ARHGAP26: variants seen among roughly 807,000 people sequenced by gnomAD.
The protein encoded by ARHGAP26 is rho GTPase-activating protein 26.
In ARHGAP26, 38 loss-of-function variants were observed where a neutral mutation model predicts 104.8. The ratio of observed to expected loss-of-function variants is 0.36; its 90% CI spans 0.28 to 0.48. The LOEUF (loss-of-function observed/expected upper bound fraction) is 0.48, where lower values mean the gene tolerates loss of function less well. Ranked by LOEUF, ARHGAP26 falls within the 20% of genes least tolerant of loss-of-function variation. The pLI is 0.99. For missense variants in ARHGAP26, 704 were observed against 947.9 expected (o/e 0.74, Z 3.38); for synonymous variants, 341 against 340.0 (o/e 1.00, Z -0.03).
At chr5:142,777,990 A>C (rs2151828821) in intron 1 of ARHGAP26, among the ~76,000 whole-genome samples, 2 of 152,360 alleles carry the variant, frequency 1.3e-5, no homozygotes, top group Admixed American at 1.3e-4. Flanking sequence ...CAATGGAGGC[A>C]AGATGACCAG....
intron 11 of ARHGAP26, among the ~76,000 whole-genome samples, chr5:143,006,163 C>A (rs1291293193): frequency 1.3e-5 from 2 of 152,154 alleles, no homozygotes; most frequent in Non-Finnish European, 2.9e-5. Flanking sequence ...CCTGAATTGT[C>A]TGTTTCCACT....
chr5:143,195,035 G>C (rs1006896723), intron 20 of ARHGAP26, among the ~76,000 whole-genome samples: 1 of 152,152 alleles, frequency 6.6e-6, no homozygotes, highest in Non-Finnish European at 1.5e-5. Flanking sequence ...CACATGTTTA[G>C]ACTACTAAAT....
Position 143,183,682 on chromosome 5 carries a change from G to A in ARHGAP26, c.1989-23516G>A, listed in dbSNP as rs189656977. Among the ~76,000 whole-genome samples the A allele has an allele frequency of 4.7e-4, 71 of 152,292 alleles. 2 individuals are homozygous for A. The East Asian group carries it at 9.3e-3, about 20-fold the overall frequency. On this transcript the variant is annotated intron_variant, in intron 20 of 22. Transcript: ENST00000645722. ...AAATTCCCCCGGGGCCTCCTCGGACGCCACCCCTACCTCTGGTTATGGGCG... is the reference window on the plus strand; with the variant it reads ...AAATTCCCCCGGGGCCTCCTCGGACACCACCCCTACCTCTGGTTATGGGCG...
intron 12 of ARHGAP26, among the ~76,000 whole-genome samples, chr5:143,016,859 G>A (rs1779659697): frequency 1.3e-5 from 2 of 152,046 alleles, no homozygotes; most frequent in African/African-American, 4.8e-5. Context: ...TTTCCCACAT[G>A]GTACAGGTTC....
chr5:143,216,118 A>G (rs1216132166), intron 22 of ARHGAP26: 2 of 469,162 alleles, frequency 4.3e-6, no homozygotes, highest in African/African-American at 4.0e-5. Context: ...TTAAATAGTT[A>G]AGCATAAAGG....
At chr5:143,220,824 T>C (rs1040003159) in intron 22 of ARHGAP26, among the ~76,000 whole-genome samples, 3 of 152,248 alleles carry the variant, frequency 2.0e-5, no homozygotes, top group Non-Finnish European at 2.9e-5. Context: ...ACTGATCTTC[T>C]GGAAGCCTCA....
rs568126214 is a variant in ARHGAP26, at chr5:142,841,724, C to T, written c.155-31676C>T. Among the ~76,000 whole-genome samples the T allele has an allele frequency of 1.3e-4, 20 of 152,324 alleles. No individual in the cohort carries two copies. The South Asian group carries it at 1.4e-3, about 11-fold the overall frequency. The stretch of plus-strand genomic sequence containing the variant: ...TTGTTGGAGGGCAGTTGCTAAGCAA[C>T]GCATCCCTCTGGCTGGAGCAAAGTA... On this transcript the variant is annotated intron_variant, in intron 1 of 22. Transcript: ENST00000645722.
chr5:142,917,037 ATTTTTTT>A (rs35921990), intron 10 of ARHGAP26, among the ~76,000 whole-genome samples: 15 of 135,428 alleles, frequency 1.1e-4, no homozygotes, highest in African/African-American at 2.0e-4. Context: ...AGACTTTGGA[ATTTTTTT>A]TTTTTTTTTT....
At chr5:143,024,625 C>G (rs1283167733) in intron 12 of ARHGAP26, among the ~76,000 whole-genome samples, 1 of 152,164 alleles carries the variant, frequency 6.6e-6, no homozygotes, top group African/African-American at 2.4e-5. Flanking sequence ...TGAGTACATA[C>G]TGGGGAGTGG....
chr5:142,969,911 G>A (rs1771983358), intron 11 of ARHGAP26, among the ~76,000 whole-genome samples: 1 of 152,136 alleles, frequency 6.6e-6, no homozygotes, highest in African/African-American at 2.4e-5. Context: ...TGGAAACTTC[G>A]GTGGCTTGTT....
intron 11 of ARHGAP26, among the ~76,000 whole-genome samples, chr5:142,943,113 G>A (rs1395874828): frequency 1.3e-5 from 2 of 152,166 alleles, no homozygotes; most frequent in Admixed American, 6.5e-5. Context: ...AGGAACACGT[G>A]TGTTGTTTTT....
chr5:142,903,436 T>C, intron 7 of ARHGAP26, 104 bp from the exon 8 acceptor site: 1 of 1,305,058 alleles, frequency 7.7e-7, no homozygotes, highest in Non-Finnish European at 1.0e-6. Flanking sequence ...GAAGGTTGAA[T>C]GTCCTTTATC....
chr5:143,207,484 G>A (rs201280021), intron 21 of ARHGAP26, 176 bp downstream of exon 21: 207 of 1,613,338 alleles, frequency 1.3e-4, no homozygotes, highest in Non-Finnish European at 9.9e-5. Context: ...GTAAAATCTC[G>A]GATGATGACC....
chr5:143,165,928 A>G, intron 20 of ARHGAP26: 1 of 759,670 alleles, frequency 1.3e-6, no homozygotes, highest in Non-Finnish European at 1.9e-6. Context: ...GATGAAATGA[A>G]ATAGTTCATG....
intron 5 of ARHGAP26, among the ~76,000 whole-genome samples, chr5:142,888,484 C>A (rs566528405): frequency 6.6e-6 from 1 of 152,300 alleles, no homozygotes; most frequent in African/African-American, 2.4e-5. Flanking sequence ...ATGTATTGAT[C>A]ATTTTCTTCA....
rs374932134 is a variant in ARHGAP26, at chr5:143,121,142, G to A, written c.1693G>A (p.Glu565Lys). The A allele has an allele frequency of 3.0e-5, 48 of 1,612,772 alleles. No individual in the cohort carries two copies. The highest frequency in any genetic ancestry group is 6.7e-5 in the East Asian group (3 of 44,862). ...CATTGAGATCCTAATAGAAAACCACGAAAAGGTAATATGTAATTGATCACT... is the reference window on the plus strand; with the variant it reads ...CATTGAGATCCTAATAGAAAACCACAAAAAGGTAATATGTAATTGATCACT... Reference protein sequence around the residue: ...IVIEILIENHEKIFNTVPDMP... With the variant: ...IVIEILIENHKKIFNTVPDMP... Residue 565 changes from glutamate (E) to lysine (K), a missense_variant, in exon 18 of 23, where the codon GAA (glutamate) becomes AAA (lysine). This residue lies in a region of ARHGAP26 where 287 missense variants were observed against 438.8 expected (regional missense o/e 0.65). Coordinates refer to ENST00000645722, the MANE Select transcript of ARHGAP26 (RefSeq NM_001135608.3).
chr5:143,080,857 G>C (rs1003355566), intron 17 of ARHGAP26, among the ~76,000 whole-genome samples: 1 of 152,184 alleles, frequency 6.6e-6, no homozygotes, highest in African/African-American at 2.4e-5. Flanking sequence ...AGCTAGTGTG[G>C]TGTTGGGGAG....
At position 142,889,822 on chromosome 5, in the gene ARHGAP26, A is replaced by G. The variant is rs965364888; in HGVS notation, c.487-4416A>G. ...AATCACAGTTTTTGGGTTATGCAAT[A>G]GGGTAGGCTAAAATAGAATGAAAAA... On this transcript the variant is annotated intron_variant, in intron 5 of 22. Transcript: ENST00000645722. 4.0e-5 allele frequency among the ~76,000 whole-genome samples: 6 copies of G among 151,650 alleles called. No individual in the cohort carries two copies. In the East Asian group the frequency reaches 1.2e-3, roughly 30 times the overall value.
intron 17 of ARHGAP26, among the ~76,000 whole-genome samples, chr5:143,073,755 T>C (rs187567647): frequency 2.6e-5 from 4 of 152,318 alleles, no homozygotes; most frequent in Non-Finnish European, 1.5e-5. Context: ...TAACTTGGGT[T>C]TTCTTCTCCT....
Sources: gnomAD v4.1 joint callset for allele counts (sites outside exome capture counted in the v4.1 genomes callset) on GRCh38, gnomAD v4.1.1 for gene constraint, gnomAD v4.1.1 regional missense constraint, MANE v1.5 for transcripts, NCBI Gene and HGNC (gene_info 2026-07-23, HGNC 2026-07-21) for gene names.